The following NEDD4L variants were observed in gnomAD, a reference collection of about 807,000 sequenced individuals.
NEDD4L encodes the protein NEDD4 like E3 ubiquitin protein ligase.
NEDD4L carries 54 observed loss-of-function variants against 148.9 expected under a neutral mutation model. That is an observed-to-expected ratio of 0.36 (90% CI 0.29 to 0.45). The LOEUF is 0.45. NEDD4L is among the 20% of genes least tolerant of loss of function. The probability of loss-of-function intolerance (pLI) is 1.00; values close to 1 mark genes in which losing one functional copy is unlikely to be tolerated. For synonymous variants in NEDD4L, 433 were observed against 440.7 expected (o/e 0.98, Z 0.22); for missense variants, 856 against 1,233.8 (o/e 0.69, Z 4.59).
intron 1 of NEDD4L, among the ~76,000 whole-genome samples, chr18:58,150,453 C>T (rs80246902): frequency 1.3e-5 from 2 of 152,140 alleles, no homozygotes; most frequent in South Asian, 4.1e-4. Context: ...CTCGAGCTCC[C>T]GACCTCAGGT....
intron 2 of NEDD4L, among the ~76,000 whole-genome samples, chr18:58,189,202 C>T (rs1485919777): frequency 6.6e-6 from 1 of 152,164 alleles, no homozygotes; most frequent in Non-Finnish European, 1.5e-5. Flanking sequence ...TTCTCTCTGT[C>T]TGCTAAGCCT....
intron 1 of NEDD4L, among the ~76,000 whole-genome samples, chr18:58,114,556 G>A (rs1188839387): frequency 4.6e-5 from 7 of 152,214 alleles, no homozygotes; most frequent in Admixed American, 2.0e-4. Context: ...ATGCTGGAAC[G>A]TGAAGATGGG....
chr18:58,388,999 T>C, intron 27 of NEDD4L, 86 bp from the exon 28 acceptor site: 2 of 1,039,544 alleles, frequency 1.9e-6, no homozygotes. Flanking sequence ...AGTGACCACA[T>C]GCTGGCACTG....
chr18:58,064,747 C>A (rs373652774), intron 1 of NEDD4L, among the ~76,000 whole-genome samples: 1 of 152,132 alleles, frequency 6.6e-6, no homozygotes, highest in African/African-American at 2.4e-5. Context: ...AAAATATGCC[C>A]GTTAGTGTAT....
chr18:58,249,316 C>G (rs2047633441), intron 4 of NEDD4L, among the ~76,000 whole-genome samples: 1 of 152,050 alleles, frequency 6.6e-6, no homozygotes, highest in African/African-American at 2.4e-5. Context: ...TAAAAAGAAA[C>G]ATAAAAATTA....
intron 2 of NEDD4L, among the ~76,000 whole-genome samples, chr18:58,180,061 A>G (rs142428185): frequency 3.2e-4 from 49 of 152,294 alleles, no homozygotes; most frequent in Non-Finnish European, 6.6e-4. Flanking sequence ...ACCTAGGTAT[A>G]GAATTCTATC....
At chr18:58,201,100 A>G (rs1381749036) in intron 2 of NEDD4L, among the ~76,000 whole-genome samples, 3 of 152,252 alleles carry the variant, frequency 2.0e-5, no homozygotes, top group African/African-American at 4.8e-5. Flanking sequence ...TGGGAGGCCA[A>G]GGCGGGCAGA....
chr18:58,337,674 T>C (rs1329591856), intron 13 of NEDD4L, among the ~76,000 whole-genome samples: 1 of 152,194 alleles, frequency 6.6e-6, no homozygotes, highest in African/African-American at 2.4e-5. Flanking sequence ...TTACATAATA[T>C]TCACTGACGT....
Position 58,365,801 on chromosome 18 carries a change from G to A in NEDD4L, c.1834-198G>A, listed in dbSNP as rs569093152. Among the ~76,000 whole-genome samples, 28 of 152,296 alleles carry A rather than the reference G, an allele frequency of 1.8e-4. No homozygotes were observed. In the Middle Eastern group the frequency reaches 0.014, roughly 74 times the overall value. ...TTCCTGAGCATCGCTAGTGGATGCC[G>A]TGTGTCCCATCGTGACACAGCAAGG... On this transcript the variant is annotated intron_variant, in intron 20 of 30. Coordinates refer to ENST00000400345, the MANE Select transcript of NEDD4L (RefSeq NM_001144967.3).
intron 6 of NEDD4L, among the ~76,000 whole-genome samples, chr18:58,319,512 A>C (rs2058588686): frequency 6.6e-6 from 1 of 152,172 alleles, no homozygotes; most frequent in Non-Finnish European, 1.5e-5. Context: ...TTTTCTTCTG[A>C]ATGCTTTTAC....
At chr18:58,267,397 C>G (rs2050369526) in intron 5 of NEDD4L, among the ~76,000 whole-genome samples, 2 of 152,000 alleles carry the variant, frequency 1.3e-5, no homozygotes, top group Non-Finnish European at 2.9e-5. Context: ...GAAAATGTAA[C>G]AGTTCCCAAG....
chr18:58,187,146 C>T (rs1227985525), intron 2 of NEDD4L, among the ~76,000 whole-genome samples: 1 of 152,146 alleles, frequency 6.6e-6, no homozygotes, highest in Non-Finnish European at 1.5e-5. Flanking sequence ...CACGGAGGGT[C>T]TTCAGAAAAA....
chr18:58,297,835 G>A (rs1048111210), intron 5 of NEDD4L, among the ~76,000 whole-genome samples: 1 of 152,106 alleles, frequency 6.6e-6, no homozygotes, highest in African/African-American at 2.4e-5. Context: ...GAGAGATTTC[G>A]GTGATCATAT....
Position 58,120,272 on chromosome 18 carries a change from G to A in NEDD4L, c.49-45516G>A, listed in dbSNP as rs538248464. Among the ~76,000 whole-genome samples, 40 of 152,306 alleles carry A rather than the reference G, an allele frequency of 2.6e-4. 1 individual carries two copies. The highest frequency in any genetic ancestry group is 1.8e-3 in the Admixed American group (28 of 15,298). ...AGGAGGAGTAAAGACAAGGCCTTCT[G>A]ATGTCAGCCAAGAGCAGGTGTGGAT... On this transcript the variant is annotated intron_variant, in intron 1 of 30. Transcript: ENST00000400345.
At chr18:58,216,843 T>C (rs1350634612) in intron 2 of NEDD4L, among the ~76,000 whole-genome samples, 1 of 152,224 alleles carries the variant, frequency 6.6e-6, no homozygotes, top group African/African-American at 2.4e-5. Context: ...CAGATTTCAC[T>C]AAGGTTGAGG....
chr18:58,222,757 C>A (rs1212111353), intron 2 of NEDD4L, among the ~76,000 whole-genome samples: 1 of 152,172 alleles, frequency 6.6e-6, no homozygotes, highest in Admixed American at 6.5e-5. Context: ...AATGTATCAA[C>A]AATATGAAAT....
chr18:58,145,829 C>T (rs560744071), intron 1 of NEDD4L, among the ~76,000 whole-genome samples: 111 of 152,342 alleles, frequency 7.3e-4, no homozygotes, highest in African/African-American at 2.7e-3. Flanking sequence ...CTGTCCCTCA[C>T]ATTTTCACCA....
intron 2 of NEDD4L, among the ~76,000 whole-genome samples, chr18:58,178,870 T>C (rs763455384): frequency 1.2e-4 from 18 of 152,244 alleles, no homozygotes; most frequent in Admixed American, 1.3e-4. Context: ...TGCTTAAAAC[T>C]AGGCGTTCAT....
At chr18:58,130,575 G>T (rs376383595) in intron 1 of NEDD4L, among the ~76,000 whole-genome samples, 6 of 113,222 alleles carry the variant, frequency 5.3e-5, no homozygotes, top group East Asian at 2.7e-4. Context: ...GAACTGTGGC[G>T]GTGTTGGGCT....
Sources: allele counts gnomAD v4.1 joint callset (sites outside exome capture counted in the v4.1 genomes callset), GRCh38; gene constraint gnomAD v4.1.1; transcripts MANE v1.5; gene names NCBI Gene and HGNC (gene_info 2026-07-23, HGNC 2026-07-21).